KCNC2: variants seen among roughly 807,000 people sequenced by gnomAD.
The protein encoded by KCNC2 is potassium voltage-gated channel subfamily C member 2.
Under a neutral mutation model 44.5 loss-of-function variants are expected in KCNC2, and 21 were observed. That is an observed-to-expected ratio of 0.47 (90% CI 0.33 to 0.68). The LOEUF (loss-of-function observed/expected upper bound fraction) is 0.68. KCNC2 is among the 30% of genes least tolerant of loss of function. The pLI is 0.01. For synonymous variants in KCNC2, 391 were observed against 339.1 expected (o/e 1.15, Z -1.68); for missense variants, 589 against 826.2 (o/e 0.71, Z 3.52).
At chr12:75,172,254 T>C (rs960908497) in intron 2 of KCNC2, among the ~76,000 whole-genome samples, 1 of 151,776 alleles carries the variant, frequency 6.6e-6, no homozygotes. Context: ...TGTTTTCACT[T>C]ATAAGTGGGA....
chr12:75,121,410 C>T (rs1375232172), intron 2 of KCNC2, among the ~76,000 whole-genome samples: 1 of 152,156 alleles, frequency 6.6e-6, no homozygotes, highest in Non-Finnish European at 1.5e-5. Flanking sequence ...GGCATGATCT[C>T]TGCCCTCAAG....
At chr12:75,043,566 G>A in intron 4 of KCNC2, 1 of 1,207,842 alleles carries the variant, frequency 8.3e-7, no homozygotes, top group East Asian at 3.0e-5. Context: ...ACTTAAGTAA[G>A]ATATAAGCTT....
chr12:75,109,387 G>A (rs922125697), intron 2 of KCNC2, among the ~76,000 whole-genome samples: 1 of 152,172 alleles, frequency 6.6e-6, no homozygotes, highest in African/African-American at 2.4e-5. Context: ...GGGGCCTGAA[G>A]TGATTATTTA....
chr12:75,058,482 C>T (rs1881979271), intron 2 of KCNC2, among the ~76,000 whole-genome samples: 1 of 152,004 alleles, frequency 6.6e-6, no homozygotes, highest in African/African-American at 2.4e-5. Context: ...AGCCAACAAT[C>T]ATGTCCCAAA....
At chr12:75,184,751 A>T (rs1006998819) in intron 2 of KCNC2, among the ~76,000 whole-genome samples, 3 of 152,228 alleles carry the variant, frequency 2.0e-5, no homozygotes, top group African/African-American at 7.2e-5. Context: ...GGGAAAGATT[A>T]TATGCAAAAT....
At chr12:75,138,976 G>A (rs866910071) in intron 2 of KCNC2, among the ~76,000 whole-genome samples, 1 of 69,470 alleles carries the variant, frequency 1.4e-5, no homozygotes, top group African/African-American at 1.0e-4. Flanking sequence ...GCGAGACTCC[G>A]TGTAAAAAAA....
At chr12:75,097,061 T>C (rs1592861054) in intron 2 of KCNC2, among the ~76,000 whole-genome samples, 1 of 152,092 alleles carries the variant, frequency 6.6e-6, no homozygotes, top group African/African-American at 2.4e-5. Flanking sequence ...TGGAATGTTA[T>C]ACAGTGATAA....
At chr12:75,056,036 T>C (rs1592770085) in intron 2 of KCNC2, among the ~76,000 whole-genome samples, 1 of 152,216 alleles carries the variant, frequency 6.6e-6, no homozygotes, top group Non-Finnish European at 1.5e-5. Context: ...ATCACTAATA[T>C]TGCAGCAATT....
intron 2 of KCNC2, among the ~76,000 whole-genome samples, chr12:75,066,790 A>G (rs1348770299): frequency 6.6e-6 from 1 of 152,248 alleles, no homozygotes; most frequent in Non-Finnish European, 1.5e-5. Flanking sequence ...TACCTTAAAT[A>G]TACTGAATAA....
rs79556428 is a variant in KCNC2, at chr12:75,125,654, G to A, written c.688-74337C>T. 8.2e-3 allele frequency among the ~76,000 whole-genome samples: 1,252 copies of A among 152,222 alleles called. 15 individuals are homozygous for A. Among genetic ancestry groups the A allele is most frequent in the African/African-American group, 0.028 (1,173 of 41,544 alleles). ...CTTCTGTTTTCATATCACTTTTTGC[G>A]AGGTAATTAGCTAGCACTATTAGAA... On this transcript the variant is annotated intron_variant, in intron 2 of 4. Coordinates refer to ENST00000549446, the MANE Select transcript of KCNC2 (RefSeq NM_139137.4).
intron 2 of KCNC2, among the ~76,000 whole-genome samples, chr12:75,157,815 T>G (rs1219744542): frequency 6.6e-6 from 1 of 151,922 alleles, no homozygotes; most frequent in Non-Finnish European, 1.5e-5. Flanking sequence ...TTGAACTCCA[T>G]GCCGCAAATG....
intron 2 of KCNC2, among the ~76,000 whole-genome samples, chr12:75,205,088 G>A (rs541584601): frequency 9.9e-5 from 15 of 152,144 alleles, no homozygotes; most frequent in East Asian, 5.8e-4. Flanking sequence ...GTCTTATGCC[G>A]CATTAAATCT....
At chr12:75,079,889 C>T (rs947059996) in intron 2 of KCNC2, among the ~76,000 whole-genome samples, 59 of 152,158 alleles carry the variant, frequency 3.9e-4, no homozygotes, top group Admixed American at 9.2e-4. Flanking sequence ...TGGATATTAT[C>T]CTTTTGGGAG....
intron 2 of KCNC2, among the ~76,000 whole-genome samples, chr12:75,205,470 A>G (rs1351580800): frequency 6.6e-6 from 1 of 152,182 alleles, no homozygotes; most frequent in African/African-American, 2.4e-5. Flanking sequence ...TGCTTTTTAA[A>G]CACAATTTTC....
In KCNC2 at chr12:75,207,388, C is replaced by A; in HGVS notation, c.596G>T (p.Gly199Val). The A allele has an allele frequency of 6.3e-7, 1 of 1,583,672 alleles. No homozygotes were observed. The highest frequency in any genetic ancestry group is 1.1e-5 in the South Asian group (1 of 87,352). Residue 199 changes from glycine to valine, a missense_variant, in exon 2 of 5, where the codon GGG (glycine) becomes GTG (valine). Physicochemically the swap from Gly to Val is moderately radical, Grantham distance 109. Coordinates refer to ENST00000549446, the MANE Select transcript of KCNC2 (RefSeq NM_139137.4). This position sits in a 1 kb window ranked among gnomAD's most constrained non-coding sequence, Gnocchi z 4.1. ...GCGGCCAGATTTGCCGTCGGGGCCC[C>A]CGAGCCCCGCCGCGTCCTCGATGCC... ...RLGIEDAAGL[G>V]GPDGKSGRWR...
At chr12:75,066,890 T>C (rs1882882382) in intron 2 of KCNC2, among the ~76,000 whole-genome samples, 1 of 152,214 alleles carries the variant, frequency 6.6e-6, no homozygotes, top group African/African-American at 2.4e-5. Context: ...TTTAATCTAA[T>C]GCTTTCAATT....
At chr12:75,177,832 G>A (rs565523565) in intron 2 of KCNC2, among the ~76,000 whole-genome samples, 19 of 151,962 alleles carry the variant, frequency 1.3e-4, no homozygotes, top group South Asian at 2.1e-4. Context: ...TATGTGGGTT[G>A]GGATGAGCAT....
chr12:75,085,082 C>A (rs2137100500), intron 2 of KCNC2, among the ~76,000 whole-genome samples: 1 of 151,942 alleles, frequency 6.6e-6, no homozygotes, highest in South Asian at 2.1e-4. Context: ...ATTGATTAAG[C>A]ATCATTCTGC....
chr12:75,207,381 G>T lies in KCNC2; in HGVS notation c.603C>A (p.Pro201=). 6.3e-7 allele frequency: 1 copy of T among 1,580,604 alleles called. No individual in the cohort carries two copies. The highest frequency in any genetic ancestry group is 2.3e-5 in the East Asian group (1 of 43,024). Residue 201 remains proline (P), a synonymous_variant, in exon 2 of 5, where the codon CCC becomes CCA. Coordinates refer to ENST00000549446, the MANE Select transcript of KCNC2 (RefSeq NM_139137.4). This position sits in a 1 kb window ranked among gnomAD's most constrained non-coding sequence, Gnocchi z 4.1. ...GIEDAAGLGG[P]DGKSGRWRRL... ...TCCTCCAGCGGCCAGATTTGCCGTC[G>T]GGGCCCCCGAGCCCCGCCGCGTCCT...
Sources: gnomAD v4.1 joint callset for allele counts (sites outside exome capture counted in the v4.1 genomes callset) on GRCh38, gnomAD v4.1.1 for gene constraint, Gnocchi (gnomAD v3.1) non-coding constraint, MANE v1.5 for transcripts, NCBI Gene and HGNC (gene_info 2026-07-23, HGNC 2026-07-21) for gene names.